XKR4: variants seen among roughly 807,000 people sequenced by gnomAD.
XKR4 encodes the protein XK-related protein 4.
Under a neutral mutation model 53.9 loss-of-function variants are expected in XKR4, and 12 were observed. The observed-to-expected ratio is 0.22, with a 90% CI of 0.14 to 0.36. The LOEUF (loss-of-function observed/expected upper bound fraction) is 0.36. Among genes scored for constraint, XKR4 ranks in the 10% least tolerant of loss-of-function variants. XKR4 has a pLI of 1.00. For synonymous variants in XKR4, 354 were observed against 362.4 expected (o/e 0.98, Z 0.26); for missense variants, 799 against 859.5 (o/e 0.93, Z 0.88).
At chr8:55,385,358 C>T (rs1445570917) in intron 2 of XKR4, among the ~76,000 whole-genome samples, 5 of 152,170 alleles carry the variant, frequency 3.3e-5, no homozygotes, top group African/African-American at 1.2e-4. Flanking sequence ...CTCCCATTTT[C>T]GTCTGGCACA....
At chr8:55,232,339 G>A (rs1321988254) in intron 1 of XKR4, among the ~76,000 whole-genome samples, 1 of 152,210 alleles carries the variant, frequency 6.6e-6, no homozygotes, top group African/African-American at 2.4e-5. Context: ...CAGCTGCCAG[G>A]CCACAGTTTG....
chr8:55,452,729 G>T (rs1805473428), intron 2 of XKR4: 2 of 968,654 alleles, frequency 2.1e-6, no homozygotes, highest in Non-Finnish European at 3.4e-6. Flanking sequence ...CAGCTACATT[G>T]CAGGTCTCTC....
intron 2 of XKR4, among the ~76,000 whole-genome samples, chr8:55,390,113 G>T (rs2129388522): frequency 6.6e-6 from 1 of 152,308 alleles, no homozygotes; most frequent in Admixed American, 6.5e-5. Context: ...AAGGCCAAAA[G>T]ATAAACTTAA....
intron 1 of XKR4, among the ~76,000 whole-genome samples, chr8:55,310,734 G>T (rs1274476838): frequency 1.3e-5 from 2 of 152,174 alleles, no homozygotes; most frequent in Non-Finnish European, 2.9e-5. Flanking sequence ...AGACATTTAT[G>T]GGAGTTCTTT....
intron 2 of XKR4, among the ~76,000 whole-genome samples, chr8:55,458,205 G>A (rs983918868): frequency 6.6e-6 from 1 of 152,210 alleles, no homozygotes; most frequent in Non-Finnish European, 1.5e-5. Flanking sequence ...TACAAATTTG[G>A]TAAATGTATA....
intron 1 of XKR4, among the ~76,000 whole-genome samples, chr8:55,287,666 C>T (rs1818926831): frequency 1.3e-5 from 2 of 152,204 alleles, no homozygotes; most frequent in Admixed American, 6.5e-5. Flanking sequence ...GTAACTCACC[C>T]TTTGTGGGGA....
chr8:55,477,477 G>A (rs1806012936), intron 2 of XKR4, among the ~76,000 whole-genome samples: 1 of 152,118 alleles, frequency 6.6e-6, no homozygotes, highest in African/African-American at 2.4e-5. Context: ...AGAAAAACTG[G>A]AAACTCTAAA....
intron 2 of XKR4, among the ~76,000 whole-genome samples, chr8:55,501,551 C>T (rs1455614745): frequency 6.6e-6 from 1 of 152,070 alleles, no homozygotes; most frequent in Admixed American, 6.6e-5. Context: ...TGGAATCATG[C>T]CATATTTGTC....
chr8:55,105,810 T>A (rs1816138573), intron 1 of XKR4, among the ~76,000 whole-genome samples: 1 of 152,220 alleles, frequency 6.6e-6, no homozygotes, highest in Admixed American at 6.5e-5. Context: ...TGGAAAGGGA[T>A]AAGAAAGCTT....
chr8:55,111,637 C>A (rs1484792927), intron 1 of XKR4, among the ~76,000 whole-genome samples: 1 of 152,096 alleles, frequency 6.6e-6, no homozygotes, highest in Non-Finnish European at 1.5e-5. Context: ...TCTACATATT[C>A]GAAATGATGT....
intron 1 of XKR4, among the ~76,000 whole-genome samples, chr8:55,198,287 C>T (rs1456879797): frequency 6.6e-6 from 1 of 152,160 alleles, no homozygotes; most frequent in Non-Finnish European, 1.5e-5. Context: ...TCTACTCAAC[C>T]TGGGTAACTT....
intron 1 of XKR4, among the ~76,000 whole-genome samples, chr8:55,289,658 GA>G (rs1302177444): frequency 1.8e-3 from 107 of 60,172 alleles, no homozygotes; most frequent in Middle Eastern, 0.011. Context: ...AGGAAGGAAG[GA>G]AAAGAAAAGA....
intron 1 of XKR4, among the ~76,000 whole-genome samples, chr8:55,248,130 C>T (rs899860626): frequency 1.3e-5 from 2 of 152,094 alleles, no homozygotes; most frequent in Admixed American, 1.3e-4. Flanking sequence ...GCTGGGATTA[C>T]AGGCGTGAGC....
intron 1 of XKR4, among the ~76,000 whole-genome samples, chr8:55,291,269 T>A (rs985540632): frequency 6.6e-6 from 1 of 152,222 alleles, no homozygotes; most frequent in Admixed American, 6.5e-5. Flanking sequence ...TTACTATAGA[T>A]GTATAATAAG....
At chr8:55,511,212 G>C (rs1806620801) in intron 2 of XKR4, among the ~76,000 whole-genome samples, 1 of 152,110 alleles carries the variant, frequency 6.6e-6, no homozygotes, top group African/African-American at 2.4e-5. Context: ...TCCTTTTCCT[G>C]CTCCCCCTGA....
Position 55,141,645 on chromosome 8 carries a change from T to TTCTCTCTCTCTCTCTCTCTCTCTCTCTC in XKR4, c.806+38378_806+38379insCTCTCTCTCTCTCTCTCTCTCTCTCTCT, listed in dbSNP as rs138063196. 8.0e-4 allele frequency among the ~76,000 whole-genome samples: 90 copies of TTCTCTCTCTCTCTCTCTCTCTCTCTCTC among 111,954 alleles called. 2 individuals are homozygous for TTCTCTCTCTCTCTCTCTCTCTCTCTCTC. Among genetic ancestry groups the TTCTCTCTCTCTCTCTCTCTCTCTCTCTC allele is most frequent in the African/African-American group, 1.6e-3 (44 of 28,232 alleles). 73.4% of individuals were successfully genotyped at this position (111,954 alleles called of 152,430 possible). The stretch of plus-strand genomic sequence containing the variant: ...TTTCTGTCTCTCTTGGTGCTTCTGC[T>TTCTCTCTCTCTCTCTCTCTCTCTCTCTC]TCTCTCTCTCTCTCTCTCTCTCTCT... On this transcript the variant is annotated intron_variant, in intron 1 of 2. Coordinates refer to ENST00000327381, the MANE Select transcript of XKR4 (RefSeq NM_052898.2).
intron 1 of XKR4, among the ~76,000 whole-genome samples, chr8:55,242,151 C>A (rs1014054419): frequency 6.6e-6 from 1 of 152,210 alleles, no homozygotes; most frequent in Admixed American, 6.5e-5. Context: ...TGCTTCCCCT[C>A]AACTTAATCA....
At chr8:55,357,065 G>A (rs534268644) in intron 1 of XKR4, among the ~76,000 whole-genome samples, 1 of 152,062 alleles carries the variant, frequency 6.6e-6, no homozygotes, top group African/African-American at 2.4e-5. Flanking sequence ...TCAACTATAG[G>A]CTATTAGTGA....
At chr8:55,519,572 A>T (rs571744602) in intron 2 of XKR4, among the ~76,000 whole-genome samples, 10 of 152,202 alleles carry the variant, frequency 6.6e-5, no homozygotes, top group Non-Finnish European at 1.2e-4. Flanking sequence ...AATCCAGATT[A>T]AAGAAAACTG....
Sources: allele counts gnomAD v4.1 joint callset (sites outside exome capture counted in the v4.1 genomes callset), GRCh38; gene constraint gnomAD v4.1.1; transcripts MANE v1.5; gene names NCBI Gene and HGNC (gene_info 2026-07-23, HGNC 2026-07-21).